Variants in FOXP2 observed in about 807,000 individuals in gnomAD.
FOXP2 encodes forkhead box P2.
Under a neutral mutation model 115.8 loss-of-function variants are expected in FOXP2, and 12 were observed. The observed-to-expected ratio is 0.10, with a 90% CI of 0.07 to 0.17. The LOEUF (loss-of-function observed/expected upper bound fraction) is 0.17, where lower values mean the gene tolerates loss of function less well. Ranked by LOEUF, FOXP2 falls within the 10% of genes least tolerant of loss-of-function variation. The pLI, the probability that FOXP2 is intolerant of heterozygous loss-of-function variation, is 1.00. For missense variants in FOXP2, 629 were observed against 843.5 expected (o/e 0.75, Z 3.15); for synonymous variants, 328 against 297.7 (o/e 1.10, Z -1.05).
intron 1 of FOXP2, among the ~76,000 whole-genome samples, chr7:114,088,516 T>C (rs1450218331): frequency 1.3e-5 from 2 of 152,260 alleles, no homozygotes; most frequent in Non-Finnish European, 2.9e-5. Flanking sequence ...GATTTACTTT[T>C]AGAAAACAAA....
intron 1 of FOXP2, among the ~76,000 whole-genome samples, chr7:114,167,506 A>G (rs543992176): frequency 6.6e-6 from 1 of 152,166 alleles, no homozygotes; most frequent in Non-Finnish European, 1.5e-5. Context: ...CACCATCCAA[A>G]TCTCATTTCA....
rs576812379 is a variant in FOXP2, at chr7:114,687,268, G to A, written c.2004-2514G>A. 4.6e-5 allele frequency among the ~76,000 whole-genome samples: 7 copies of A among 152,140 alleles called. No homozygotes were observed. In the South Asian group the frequency reaches 1.5e-3, roughly 32 times the overall value. ...TATGGTTTGTGTCACCATAAAGAATGACAATACACCTTATTTCATTACAAT... is the reference window on the plus strand; with the variant it reads ...TATGGTTTGTGTCACCATAAAGAATAACAATACACCTTATTTCATTACAAT... On this transcript the variant is annotated intron_variant, in intron 16 of 16. Transcript: ENST00000350908.
chr7:114,517,052 G>T (rs894225841), intron 2 of FOXP2, among the ~76,000 whole-genome samples: 3 of 151,798 alleles, frequency 2.0e-5, no homozygotes, highest in African/African-American at 4.8e-5. Context: ...TCTAACAGAT[G>T]TGAGATGATA....
intron 1 of FOXP2, among the ~76,000 whole-genome samples, chr7:114,206,564 G>C (rs960775419): frequency 6.6e-6 from 1 of 152,008 alleles, no homozygotes; most frequent in South Asian, 2.1e-4. Context: ...GTCTTCATCT[G>C]TCATGTCACT....
Position 114,644,607 on chromosome 7 carries a change from G to A in FOXP2, c.990-78G>A, listed in dbSNP as rs117412029. On this transcript the variant is annotated intron_variant, in intron 7 of 16. Transcript: ENST00000350908. ...TGTTTTGACCTGTTTGTCACTGATC[G>A]TAACCTGACAGGCGCTAGCAGCCTG... 3,936 of 1,220,434 alleles carry A rather than the reference G, an allele frequency of 3.2e-3. 184 individuals carry two copies. The East Asian group carries it at 0.073, about 23-fold the overall frequency. The allele number at this position is 1,220,434 out of a possible 1,614,324, so 75.6% of individuals were successfully genotyped here.
At chr7:114,348,100 A>T (rs1391844276) in intron 2 of FOXP2, among the ~76,000 whole-genome samples, 1 of 152,110 alleles carries the variant, frequency 6.6e-6, no homozygotes, top group Non-Finnish European at 1.5e-5. Context: ...CTATTAGAGA[A>T]TTACGTGGTA....
At chr7:114,112,723 T>A (rs1022167725) in intron 1 of FOXP2, among the ~76,000 whole-genome samples, 1 of 152,166 alleles carries the variant, frequency 6.6e-6, no homozygotes, top group Admixed American at 6.6e-5. Context: ...CTTGGAAATA[T>A]ACCTAAAGGA....
rs765218632 is a variant in FOXP2, at chr7:114,600,884, T to C, written c.259-27656T>C. Among the ~76,000 whole-genome samples, 28 of 152,300 alleles carry C rather than the reference T, an allele frequency of 1.8e-4. 1 individual carries two copies. The highest frequency in any genetic ancestry group is 6.8e-3 in the Middle Eastern group (2 of 294). On this transcript the variant is annotated intron_variant, in intron 3 of 16. Transcript: ENST00000350908. ...TTGAATTATAAGAGTTCTTTGTATA[T>C]TGTAGATATAAGTCTTTATCAGATA...
chr7:114,607,072 G>A (rs1371061335), intron 3 of FOXP2, among the ~76,000 whole-genome samples: 1 of 152,114 alleles, frequency 6.6e-6, no homozygotes, highest in African/African-American at 2.4e-5. Flanking sequence ...CAGAAAGGAG[G>A]AGAATAGGGA....
At chr7:114,145,500 C>CTTTTCTTTTCTTTTCTTTT (rs1792347262) in intron 1 of FOXP2, among the ~76,000 whole-genome samples, 2 of 30,800 alleles carry the variant, frequency 6.5e-5, no homozygotes, top group African/African-American at 1.7e-4. Context: ...TCTTTTCTTT[C>CTTTTCTTTTCTTTTCTTTT]CTTTTGAGAT....
At chr7:114,199,243 G>A (rs971828807) in intron 1 of FOXP2, among the ~76,000 whole-genome samples, 2 of 152,086 alleles carry the variant, frequency 1.3e-5, no homozygotes, top group African/African-American at 4.8e-5. Flanking sequence ...ATATGTTTTG[G>A]TTGAATGTCT....
chr7:114,158,965 TA>T (rs1392831857), upstream of FOXP2, among the ~76,000 whole-genome samples: 1 of 152,060 alleles, frequency 6.6e-6, no homozygotes, highest in African/African-American at 2.4e-5. Context: ...GAATGAAGGA[TA>T]AGGGACCAGA....
At position 114,520,322 on chromosome 7, in the gene FOXP2, T is replaced by C. The variant is rs143783491; in HGVS notation, c.169-14295T>C. Among the ~76,000 whole-genome samples, 206 of 152,256 alleles carry C rather than the reference T, an allele frequency of 1.4e-3. 1 individual carries two copies. Among genetic ancestry groups the C allele is most frequent in the African/African-American group, 4.7e-3 (195 of 41,582 alleles). On this transcript the variant is annotated intron_variant, in intron 2 of 16. Coordinates refer to ENST00000350908, the MANE Select transcript of FOXP2 (RefSeq NM_014491.4). ...TTCCTCACAGTATTTTGATCTACCA[T>C]ATTTTGAATAACTAGTTTTAAAGAT...
At chr7:114,536,110 A>G (rs1799380530) in intron 3 of FOXP2, among the ~76,000 whole-genome samples, 1 of 151,572 alleles carries the variant, frequency 6.6e-6, no homozygotes, top group South Asian at 2.1e-4. Flanking sequence ...AGCAAATGAA[A>G]TGTTTATCCT....
At position 114,566,586 on chromosome 7, in the gene FOXP2, A is replaced by T. The variant is rs1015396447; in HGVS notation, c.258+31880A>T. Among the ~76,000 whole-genome samples the T allele has an allele frequency of 2.0e-5, 3 of 152,106 alleles. No homozygotes were observed. The South Asian group carries it at 6.2e-4, about 31-fold the overall frequency. On this transcript the variant is annotated intron_variant, in intron 3 of 16. Transcript: ENST00000350908. Reference sequence around the variant, plus strand: ...GGAAGCCACTTGAGGCCCTCACCAGATGCAGATGCCAGCACCATGCTTCTT... The same window carrying T: ...GGAAGCCACTTGAGGCCCTCACCAGTTGCAGATGCCAGCACCATGCTTCTT...
In FOXP2 at chr7:114,458,546, CT is replaced by C. The variant is rs1177402028; in HGVS notation, c.168+31886del. ...TTGCTTAACTATGATATTTTCTTTTCTTTTTTTTTTTTTTTTTTTGAGACAG... is the reference window on the plus strand; with the variant it reads ...TTGCTTAACTATGATATTTTCTTTTCTTTTTTTTTTTTTTTTTTGAGACAG... On this transcript the variant is annotated intron_variant, in intron 2 of 16. Coordinates refer to ENST00000350908, the MANE Select transcript of FOXP2 (RefSeq NM_014491.4). Among the ~76,000 whole-genome samples the C allele has an allele frequency of 3.1e-3, 357 of 113,406 alleles. 2 individuals carry two copies. Among genetic ancestry groups the C allele is most frequent in the African/African-American group, 0.01 (294 of 29,224 alleles). 74.4% of individuals were successfully genotyped at this position (113,406 alleles called of 152,430 possible).
rs1806906785 is a variant in FOXP2, at chr7:114,662,181, A to C, written c.1764A>C (p.Ile588=). 2 of 1,612,540 alleles carry C rather than the reference A, an allele frequency of 1.2e-6. No homozygotes were observed. The highest frequency in any genetic ancestry group is 2.2e-5 in the South Asian group (2 of 91,068). Residue 588 remains isoleucine, a synonymous_variant, in exon 14 of 17, where the codon ATA becomes ATC. Coordinates refer to ENST00000350908, the MANE Select transcript of FOXP2 (RefSeq NM_014491.4). ...ACCAGAAGCGAAGGTCACAAAAGAT[A>C]ACAGGGTATGTTTGTGATAGTTTTG... ...VEYQKRRSQK[I]TGSPTLVKNI...
intron 2 of FOXP2, among the ~76,000 whole-genome samples, chr7:114,389,496 A>T (rs1792534559): frequency 6.6e-6 from 1 of 152,316 alleles, no homozygotes; most frequent in Admixed American, 6.5e-5. Context: ...CTAAGTAAGA[A>T]TGTCTCCTTT....
chr7:114,134,957 C>T (rs368421835), intron 1 of FOXP2, among the ~76,000 whole-genome samples: 11 of 152,180 alleles, frequency 7.2e-5, no homozygotes, highest in Admixed American at 7.2e-4. Flanking sequence ...AATTATTTCT[C>T]TCCATAATGT....
Sources: gnomAD v4.1 joint callset for allele counts (sites outside exome capture counted in the v4.1 genomes callset) on GRCh38, gnomAD v4.1.1 for gene constraint, MANE v1.5 for transcripts, NCBI Gene and HGNC (gene_info 2026-07-23, HGNC 2026-07-21) for gene names.